The following KCNN3 variants were observed in gnomAD, a reference collection of about 807,000 sequenced individuals.
KCNN3 encodes the protein small conductance calcium-activated potassium channel protein 3.
Under a neutral mutation model 62.9 loss-of-function variants are expected in KCNN3, and 16 were observed. That is an observed-to-expected ratio of 0.25 (90% confidence interval 0.17 to 0.39). KCNN3 has a LOEUF of 0.39. KCNN3 is among the 10% of genes least tolerant of loss of function. The pLI is 1.00. For synonymous variants in KCNN3, 370 were observed against 389.2 expected (o/e 0.95, Z 0.58); for missense variants, 599 against 949.4 (o/e 0.63, Z 4.85).
intron 3 of KCNN3, among the ~76,000 whole-genome samples, chr1:154,761,587 G>T (rs1055698105): frequency 6.6e-6 from 1 of 151,962 alleles, no homozygotes; most frequent in Non-Finnish European, 1.5e-5. Flanking sequence ...TATTTTGTAC[G>T]CTCCTTTTTC....
chr1:154,841,635 T>A (rs1486809048), intron 1 of KCNN3, among the ~76,000 whole-genome samples: 1 of 152,202 alleles, frequency 6.6e-6, no homozygotes, highest in Non-Finnish European at 1.5e-5. Context: ...TGTTATTCCA[T>A]CACAGAGCCC....
chr1:154,802,525 G>A (rs1305172969), intron 2 of KCNN3, among the ~76,000 whole-genome samples: 2 of 152,322 alleles, frequency 1.3e-5, no homozygotes, highest in Middle Eastern at 3.4e-3. Flanking sequence ...TGATGTCCAA[G>A]CTCAGGGGCT....
chr1:154,725,881 A>G (rs1290102911), intron 5 of KCNN3, 35 bp downstream of exon 5: 1 of 1,533,798 alleles, frequency 6.5e-7, no homozygotes, highest in Non-Finnish European at 9.0e-7. Flanking sequence ...TGTGGCCTTA[A>G]GTCCCCCATA....
At chr1:154,833,080 C>T (rs1331650836) in intron 1 of KCNN3, among the ~76,000 whole-genome samples, 1 of 152,164 alleles carries the variant, frequency 6.6e-6, no homozygotes, top group Non-Finnish European at 1.5e-5. Flanking sequence ...TGGCCTTCCC[C>T]CTTTCCTCCC....
chr1:154,856,946 G>A (rs1652556581), intron 1 of KCNN3, among the ~76,000 whole-genome samples: 1 of 152,176 alleles, frequency 6.6e-6, no homozygotes, highest in Admixed American at 6.5e-5. Flanking sequence ...GGGAAGGGGA[G>A]CAGACGGAGG....
chr1:154,737,213 G>C lies in KCNN3; in HGVS notation c.1449-4069C>G, dbSNP rs936006175. The C allele has an allele frequency of 1.7e-4, 46 of 274,694 alleles. 13 individuals carry two copies. In the East Asian group the frequency reaches 2.0e-3, roughly 12 times the overall value. The allele number at this position is 274,694 out of a possible 1,614,324, so 17.0% of individuals were successfully genotyped here. ...TTTTTGCAATAGAAAATTTGGGGGG[G>C]GGGGATAGCTCCATGTTTTTCTTTA... On this transcript the variant is annotated intron_variant, in intron 3 of 7. Coordinates refer to ENST00000271915, the MANE Select transcript of KCNN3 (RefSeq NM_002249.6).
At chr1:154,732,539 T>TC (rs1365461872) in intron 4 of KCNN3, among the ~76,000 whole-genome samples, 17 of 152,218 alleles carry the variant, frequency 1.1e-4, no homozygotes, top group Non-Finnish European at 2.5e-4. Flanking sequence ...AAAGGCCGAC[T>TC]CAGTGCTCTT....
At chr1:154,855,454 G>C (rs1025063301) in intron 1 of KCNN3, among the ~76,000 whole-genome samples, 12 of 152,198 alleles carry the variant, frequency 7.9e-5, no homozygotes, top group African/African-American at 2.6e-4. Flanking sequence ...GCCCTATACA[G>C]GTGTAGTATT....
intron 3 of KCNN3, among the ~76,000 whole-genome samples, chr1:154,768,011 C>T (rs576305176): frequency 1.3e-5 from 2 of 152,320 alleles, no homozygotes; most frequent in East Asian, 3.9e-4. Flanking sequence ...AGAGATAAGT[C>T]CAGGCTGATG....
chr1:154,772,040 A>G lies in KCNN3; in HGVS notation c.1383T>C (p.Thr461=), dbSNP rs1648582902. 6.2e-7 allele frequency: 1 copy of G among 1,614,070 alleles called. No individual in the cohort carries two copies. The highest frequency in any genetic ancestry group is 1.7e-5 in the Admixed American group (1 of 60,006). ...MKTLMTICPG[T]VLLVFSISLW... ...GAGAGATGCTGAACACGAGCAGCAC[A>G]GTGCCAGGGCAGATGGTCATGAGCG... is the stretch of plus-strand genomic sequence containing the variant. Residue 461 remains threonine (T), a synonymous_variant, in exon 3 of 8, where the codon ACT becomes ACC. Transcript: ENST00000271915. The surrounding 1 kb of genome is among the most constrained non-coding windows in gnomAD (Gnocchi z 5.6).
intron 1 of KCNN3, among the ~76,000 whole-genome samples, chr1:154,863,426 A>G (rs1286538249): frequency 6.6e-6 from 1 of 152,170 alleles, no homozygotes; most frequent in African/African-American, 2.4e-5. Flanking sequence ...GAAGAAAAAG[A>G]ACTACAAATG....
At chr1:154,752,915 C>A (rs1388644455) in intron 3 of KCNN3, among the ~76,000 whole-genome samples, 1 of 152,178 alleles carries the variant, frequency 6.6e-6, no homozygotes, top group Non-Finnish European at 1.5e-5. Flanking sequence ...TGACTAGGCT[C>A]CGAGCACCCG....
chr1:154,834,907 C>A (rs1448904742), intron 1 of KCNN3, among the ~76,000 whole-genome samples: 1 of 152,146 alleles, frequency 6.6e-6, no homozygotes, highest in African/African-American at 2.4e-5. Context: ...CGGAGGAGGT[C>A]GCTTGTTCCT....
chr1:154,771,953 C>T, intron 3 of KCNN3, 22 bp downstream of exon 3: 6 of 1,613,068 alleles, frequency 3.7e-6, no homozygotes, highest in Non-Finnish European at 5.1e-6. Context: ...GCTCTGTACT[C>T]AGAAAGCCCC....
chr1:154,725,806 G>C lies in KCNN3; in HGVS notation c.1701+110C>G, dbSNP rs182321352. On this transcript the variant is annotated intron_variant, in intron 5 of 7. Coordinates refer to ENST00000271915, the MANE Select transcript of KCNN3 (RefSeq NM_002249.6). ...GATCGACCCTCCTCAGCCTCCTAAA[G>C]TGTTGGGATTACAGGCGTGAGCCAC... The C allele has an allele frequency of 6.0e-4, 471 of 779,614 alleles. 4 individuals carry two copies. In the East Asian group the frequency reaches 9.3e-3, roughly 15 times the overall value. The allele number at this position is 779,614 out of a possible 1,614,324, so 48.3% of individuals were successfully genotyped here. A position where few individuals can be genotyped will look rare whatever the true frequency, so the allele number is the denominator to read the frequency against.
intron 4 of KCNN3, among the ~76,000 whole-genome samples, chr1:154,728,741 T>G (rs1015086289): frequency 6.6e-6 from 1 of 151,546 alleles, no homozygotes; most frequent in African/African-American, 2.4e-5. Flanking sequence ...ACAAGTTGCG[T>G]TGCATCCTAA....
At chr1:154,867,819 A>T in intron 1 of KCNN3, 1 of 288,530 alleles carries the variant, frequency 3.5e-6, no homozygotes, top group Non-Finnish European at 5.1e-6. Flanking sequence ...ACGCACATAC[A>T]CACACACACA....
chr1:154,828,796 A>G (rs1557996878), intron 1 of KCNN3, among the ~76,000 whole-genome samples: 1 of 152,252 alleles, frequency 6.6e-6, no homozygotes, highest in African/African-American at 2.4e-5. Context: ...AGGTAAATGC[A>G]GCTGATCCTC....
intron 3 of KCNN3, among the ~76,000 whole-genome samples, chr1:154,768,041 A>G (rs1047505781): frequency 1.3e-5 from 2 of 152,194 alleles, no homozygotes; most frequent in African/African-American, 4.8e-5. Flanking sequence ...TGGAATGTGA[A>G]CAGGCTCTGG....
Sources: gnomAD v4.1 joint callset for allele counts (sites outside exome capture counted in the v4.1 genomes callset) on GRCh38, gnomAD v4.1.1 for gene constraint, Gnocchi (gnomAD v3.1) non-coding constraint, MANE v1.5 for transcripts, NCBI Gene and HGNC (gene_info 2026-07-23, HGNC 2026-07-21) for gene names.